GLIS3: variants seen among roughly 807,000 people sequenced by gnomAD.
GLIS3 encodes the protein zinc finger protein GLIS3.
GLIS3 carries 53 observed loss-of-function variants against 78.6 expected under a neutral mutation model. That is an observed-to-expected ratio of 0.67 (90% CI 0.54 to 0.85). The LOEUF (loss-of-function observed/expected upper bound fraction) is 0.85. Among genes scored for constraint, GLIS3 ranks in the 40% least tolerant of loss-of-function variants. The pLI is 0.00. For synonymous variants in GLIS3, 684 were observed against 509.9 expected (o/e 1.34, Z -4.60); for missense variants, 1,703 against 1,231.1 (o/e 1.38, Z -5.74).
chr9:4,122,583 A>T (rs1056781230), intron 3 of GLIS3, among the ~76,000 whole-genome samples: 1 of 152,180 alleles, frequency 6.6e-6, no homozygotes, highest in African/African-American at 2.4e-5. Context: ...TGTCACTGAC[A>T]AGCTAAGCAC....
At position 4,339,898 on chromosome 9, in the gene GLIS3, AAAAG is replaced by A. The variant is rs1288178514; in HGVS notation, n.264+7179_264+7182del. 9.8e-5 allele frequency among the ~76,000 whole-genome samples: 10 copies of A among 102,096 alleles called. No homozygotes were observed. In the East Asian group the frequency reaches 2.7e-3, roughly 28 times the overall value. The allele number at this position is 102,096 out of a possible 152,430, so 67.0% of individuals were successfully genotyped here. ...AGGGGGAGGGAAAGGAAAGGAAAGG[AAAAG>A]AAAAGAGACAGAAAGGTAAAGCAAG... On this transcript the variant is annotated intron_variant and non_coding_transcript_variant, in intron 2 of 4. Transcript: ENST00000471664.
intron 2 of GLIS3, among the ~76,000 whole-genome samples, chr9:4,180,982 G>A (rs780209006): frequency 3.3e-5 from 5 of 152,200 alleles, no homozygotes; most frequent in Non-Finnish European, 4.4e-5. Context: ...TGGGGAACAA[G>A]GGGCTAACAA....
intron 2 of GLIS3, among the ~76,000 whole-genome samples, chr9:4,226,294 C>A (rs1821763314): frequency 6.6e-6 from 1 of 152,130 alleles, no homozygotes; most frequent in South Asian, 2.1e-4. Context: ...CTGCATTCTT[C>A]CCAACTAAAC....
chr9:4,214,148 A>T (rs1035174326), intron 2 of GLIS3, among the ~76,000 whole-genome samples: 8 of 152,228 alleles, frequency 5.3e-5, no homozygotes, highest in African/African-American at 1.9e-4. Flanking sequence ...ACTCATGGTG[A>T]AAGTTAATGG....
chr9:3,957,693 C>A (rs188058764), intron 4 of GLIS3, among the ~76,000 whole-genome samples: 38 of 152,258 alleles, frequency 2.5e-4, no homozygotes, highest in African/African-American at 8.9e-4. Flanking sequence ...ATGTTAGCAC[C>A]AACAGACTTC....
intron 2 of GLIS3, among the ~76,000 whole-genome samples, chr9:4,200,717 A>T (rs1819308304): frequency 6.6e-6 from 1 of 152,214 alleles, no homozygotes. Flanking sequence ...GCCCAAGGCC[A>T]GATGGACTCA....
At chr9:3,887,423 A>G (rs922839853) in intron 7 of GLIS3, among the ~76,000 whole-genome samples, 1 of 152,226 alleles carries the variant, frequency 6.6e-6, no homozygotes, top group Non-Finnish European at 1.5e-5. Flanking sequence ...GGCTCTGTAG[A>G]ACATGCCTAT....
chr9:4,445,520 G>C, the GLIS3 span, among the ~76,000 whole-genome samples: 2 of 152,134 alleles, frequency 1.3e-5, no homozygotes, highest in African/African-American at 2.4e-5. Context: ...TGTAGTCCCA[G>C]CTACTTGGGA....
chr9:3,933,691 G>GT (rs1306655765), intron 5 of GLIS3, among the ~76,000 whole-genome samples: 1 of 152,084 alleles, frequency 6.6e-6, no homozygotes, highest in Non-Finnish European at 1.5e-5. Context: ...ACTTGTTATA[G>GT]TAAAAACAAA....
At position 3,856,002 on chromosome 9, in the gene GLIS3, T is replaced by C; in HGVS notation, c.2473+7A>G. 6.2e-7 allele frequency: 1 copy of C among 1,614,148 alleles called. No individual in the cohort carries two copies. Among genetic ancestry groups the C allele is most frequent in the Non-Finnish European group, 8.5e-7 (1 of 1,179,976 alleles). On this transcript the variant is annotated splice_region_variant and intron_variant, in intron 9 of 10. Coordinates refer to ENST00000381971, the MANE Select transcript of GLIS3 (RefSeq NM_001042413.2). ...AAAACTCAAGGGACTGCCAGCTTCT[T>C]GCTTACCATGGACATGGATACCATT...
At chr9:4,366,800 T>C in the GLIS3 span, among the ~76,000 whole-genome samples, 3 of 152,196 alleles carry the variant, frequency 2.0e-5, no homozygotes, top group Admixed American at 2.0e-4. Context: ...CCAACTGCCA[T>C]AACGGTCTTG....
At chr9:4,311,627 A>G (rs529001243) in intron 2 of GLIS3, among the ~76,000 whole-genome samples, 1 of 151,928 alleles carries the variant, frequency 6.6e-6, no homozygotes, top group South Asian at 2.1e-4. Flanking sequence ...GACTTCCACC[A>G]TCTGTCTTCC....
chr9:3,851,341 A>G (rs1819419569), intron 9 of GLIS3, among the ~76,000 whole-genome samples: 1 of 152,226 alleles, frequency 6.6e-6, no homozygotes, highest in Non-Finnish European at 1.5e-5. Context: ...CTATGTTTAC[A>G]TCTAAAATAA....
At chr9:4,088,666 C>T (rs776655708) in intron 4 of GLIS3, among the ~76,000 whole-genome samples, 6 of 152,166 alleles carry the variant, frequency 3.9e-5, no homozygotes, top group Non-Finnish European at 7.3e-5. Flanking sequence ...TTCCTAATGC[C>T]AGAGAGTAAA....
the GLIS3 span, among the ~76,000 whole-genome samples, chr9:4,427,220 A>G: frequency 6.6e-6 from 1 of 152,246 alleles, no homozygotes; most frequent in Non-Finnish European, 1.5e-5. Context: ...TGGAAAAACC[A>G]TCCTGATTGC....
chr9:4,219,812 G>A (rs570026760), intron 2 of GLIS3, among the ~76,000 whole-genome samples: 69 of 152,268 alleles, frequency 4.5e-4, no homozygotes, highest in Admixed American at 7.8e-4. Context: ...CAGGGGTGGA[G>A]CCTGTCCAGC....
intron 1 of GLIS3, among the ~76,000 whole-genome samples, chr9:4,296,312 A>T (rs947359524): frequency 1.3e-5 from 2 of 148,880 alleles, no homozygotes; most frequent in East Asian, 3.9e-4. Context: ...AAAAAAAAAG[A>T]CCGAGAACAC....
chr9:4,359,446 C>G, the GLIS3 span, among the ~76,000 whole-genome samples: 1 of 152,194 alleles, frequency 6.6e-6, no homozygotes, highest in South Asian at 2.1e-4. Flanking sequence ...TGTAATGAGA[C>G]TAAATCCTAC....
At chr9:4,057,718 A>G (rs1826263787) in intron 4 of GLIS3, among the ~76,000 whole-genome samples, 1 of 151,196 alleles carries the variant, frequency 6.6e-6, no homozygotes. Flanking sequence ...GGAAAAAAAA[A>G]TAGTTTACTC....
Sources: gnomAD v4.1 joint callset for allele counts (sites outside exome capture counted in the v4.1 genomes callset) on GRCh38, gnomAD v4.1.1 for gene constraint, MANE v1.5 for transcripts, NCBI Gene and HGNC (gene_info 2026-07-23, HGNC 2026-07-21) for gene names.